Variants in MTMR8 observed in about 807,000 individuals in gnomAD.
The protein encoded by MTMR8 is phosphatidylinositol-3,5-bisphosphate 3-phosphatase MTMR8.
Under a neutral mutation model 39.3 loss-of-function variants are expected in MTMR8, and 65 were observed. That is an observed-to-expected ratio of 1.65 (90% CI 1.35 to 2.03). MTMR8 has a LOEUF of 2.03. MTMR8 is among the 30% of genes most tolerant of loss of function. The pLI is 0.00. For synonymous variants in MTMR8, 245 were observed against 185.2 expected, an observed-to-expected ratio of 1.32 and a Z score of -2.62; for missense variants, 777 against 538.9, an observed-to-expected ratio of 1.44 and a Z score of -4.37.
intron 12 of MTMR8, among the ~76,000 whole-genome samples, chrX:64,301,089 C>T (rs1174464373): frequency 5.7e-5 from 6 of 105,408 alleles, no homozygotes; most frequent in African/African-American, 6.9e-5. Context: ...ATCTTTGTGG[C>T]GTTCTCTGTA....
Position 64,387,793 on chromosome X carries a change from A to T in MTMR8, c.24+7547T>A, listed in dbSNP as rs777445031. ...GAAGGTAAAAAAGAAGGGAGGAGAG[A>T]GGAAAGGAGGGAGGAGGAGAGAGAA... On this transcript the variant is annotated intron_variant, in intron 1 of 13. Transcript: ENST00000374852. Among the ~76,000 whole-genome samples, 23 of 107,752 alleles carry T rather than the reference A, an allele frequency of 2.1e-4. 1 individual carries two copies. The South Asian group carries it at 8.3e-3, about 39-fold the overall frequency. 93.6% of individuals were successfully genotyped at this position (107,752 alleles called of 115,157 possible). A position where few individuals can be genotyped will look rare whatever the true frequency, so the allele number is the denominator to read the frequency against.
chrX:64,349,848 T>G, intron 5 of MTMR8, 94 bp downstream of exon 5: 2 of 779,321 alleles, frequency 2.6e-6, no homozygotes, highest in Non-Finnish European at 3.4e-6. Flanking sequence ...GTAACTTGCC[T>G]GAGGTCACAC....
intron 1 of MTMR8, among the ~76,000 whole-genome samples, chrX:64,388,550 C>A (rs1490255173): frequency 8.9e-6 from 1 of 112,369 alleles, no homozygotes; most frequent in East Asian, 2.8e-4. Context: ...CATGTGCCTC[C>A]AACTAAAGCA....
intron 12 of MTMR8, among the ~76,000 whole-genome samples, chrX:64,318,998 T>C (rs1333906037): frequency 8.9e-6 from 1 of 111,834 alleles, no homozygotes; most frequent in Non-Finnish European, 1.9e-5. Context: ...GGTTTTTATA[T>C]CTTAAGGAAA....
intron 1 of MTMR8, among the ~76,000 whole-genome samples, chrX:64,387,457 C>T (rs1451173516): frequency 9.0e-6 from 1 of 110,785 alleles, no homozygotes; most frequent in Non-Finnish European, 1.9e-5. Context: ...TATTGATATC[C>T]AGGCTGAACT....
chrX:64,306,396 G>T, intron 12 of MTMR8: 1 of 173,657 alleles, frequency 5.8e-6, no homozygotes, highest in Non-Finnish European at 1.2e-5. Context: ...GACTAGAACA[G>T]GTAGTATTCC....
At chrX:64,313,095 A>T (rs1193086695) in intron 12 of MTMR8, among the ~76,000 whole-genome samples, 1 of 112,427 alleles carries the variant, frequency 8.9e-6, no homozygotes, top group African/African-American at 3.2e-5. Flanking sequence ...CCCTAACAAA[A>T]GTTAGGCTGT....
At position 64,357,381 on chromosome X, in the gene MTMR8, T is replaced by A. The variant is rs146457209; in HGVS notation, c.148-1043A>T. Among the ~76,000 whole-genome samples, 711 of 111,734 alleles carry A rather than the reference T, an allele frequency of 6.4e-3. 6 individuals carry two copies. Among genetic ancestry groups the A allele is most frequent in the African/African-American group, 0.022 (671 of 30,790 alleles). On this transcript the variant is annotated intron_variant, in intron 2 of 13. Coordinates refer to ENST00000374852, the MANE Select transcript of MTMR8 (RefSeq NM_017677.4). ...AAGTCTTTCAATCATATCCACCATC[T>A]AAGAATGGAGCAAGTGTGGAAATGA...
rs374084522 is a variant in MTMR8 at position 64,295,239 on chromosome X, G to GACAC, written c.1482-24170_1482-24167dup. Among the ~76,000 whole-genome samples, 1,049 of 106,011 alleles carry GACAC rather than the reference G, an allele frequency of 9.9e-3. 19 individuals carry two copies. Among genetic ancestry groups the GACAC allele is most frequent in the African/African-American group, 0.033 (963 of 29,107 alleles). The allele number at this position is 106,011 out of a possible 115,157, so 92.1% of individuals were successfully genotyped here. ...ATAAAACTTAAAATGAGATGTTTCTGACACACACACACACACACACACAAA... is the reference window on the plus strand; with the variant it reads ...ATAAAACTTAAAATGAGATGTTTCTGACACACACACACACACACACACACACAAA... On this transcript the variant is annotated intron_variant, in intron 12 of 13. Transcript: ENST00000374852.
chrX:64,270,007 C>T (rs985521643), intron 13 of MTMR8, among the ~76,000 whole-genome samples: 2 of 110,644 alleles, frequency 1.8e-5, no homozygotes, highest in East Asian at 5.7e-4. Context: ...TAATAGGGCA[C>T]CTTCCCTGGC....
At chrX:64,350,908 C>T (rs1263579661) in intron 4 of MTMR8, among the ~76,000 whole-genome samples, 2 of 111,289 alleles carry the variant, frequency 1.8e-5, no homozygotes, top group Non-Finnish European at 3.8e-5. Context: ...AAAGAACACC[C>T]CCAAACATTT....
At chrX:64,366,501 T>C (rs1923962618) in intron 1 of MTMR8, among the ~76,000 whole-genome samples, 1 of 112,090 alleles carries the variant, frequency 8.9e-6, no homozygotes, top group African/African-American at 3.2e-5. Context: ...TGCTCCTGAA[T>C]GACTACTGGG....
At chrX:64,354,697 C>A (rs1923576215) in intron 4 of MTMR8, 80 bp downstream of exon 4, 2 of 993,543 alleles carry the variant, frequency 2.0e-6, no homozygotes, top group African/African-American at 3.9e-5. Flanking sequence ...TCATTTCTCT[C>A]TTTTTTCAAA....
intron 3 of MTMR8, among the ~76,000 whole-genome samples, chrX:64,355,941 T>G (rs1329620687): frequency 2.7e-5 from 3 of 111,037 alleles, no homozygotes; most frequent in African/African-American, 9.8e-5. Flanking sequence ...TATATACTAA[T>G]ACATGAAGGT....
At chrX:64,270,854 A>T (rs937873035) in intron 13 of MTMR8, 93 bp downstream of exon 13, 6 of 1,024,415 alleles carry the variant, frequency 5.9e-6, no homozygotes, top group Non-Finnish European at 3.9e-6. Flanking sequence ...AAAGCCAGCC[A>T]GTCAGCTTTC....
chrX:64,330,035 G>A (rs1055728681), intron 11 of MTMR8, among the ~76,000 whole-genome samples: 2 of 111,769 alleles, frequency 1.8e-5, no homozygotes, highest in Non-Finnish European at 3.8e-5. Context: ...TTGAACCCAA[G>A]TCTGCCTGAT....
chrX:64,287,259 G>T (rs1921217014), intron 12 of MTMR8, among the ~76,000 whole-genome samples: 1 of 111,003 alleles, frequency 9.0e-6, no homozygotes, highest in Non-Finnish European at 1.9e-5. Context: ...ACTTACAAGG[G>T]ATGTGAAGGA....
intron 12 of MTMR8, among the ~76,000 whole-genome samples, chrX:64,274,444 C>A (rs1169020564): frequency 8.9e-6 from 1 of 112,046 alleles, no homozygotes; most frequent in Non-Finnish European, 1.9e-5. Context: ...ATGTAGGATG[C>A]AGCAAAGGCA....
chrX:64,306,316 T>C (rs1002067398), intron 12 of MTMR8: 4 of 296,592 alleles, frequency 1.3e-5, no homozygotes, highest in Non-Finnish European at 2.0e-5. Context: ...TCAGAGGTTC[T>C]AGATGCAGTG....
Sources: allele counts gnomAD v4.1 joint callset (sites outside exome capture counted in the v4.1 genomes callset), GRCh38; gene constraint gnomAD v4.1.1; transcripts MANE v1.5; gene names NCBI Gene and HGNC (gene_info 2026-07-23, HGNC 2026-07-21).